The following SLC29A3 variants were observed in gnomAD, a reference collection of about 807,000 sequenced individuals.
SLC29A3 encodes the protein equilibrative nucleoside transporter 3.
SLC29A3 carries 18 observed loss-of-function variants against 25.4 expected under a neutral mutation model. The observed-to-expected ratio is 0.71, with a 90% CI of 0.49 to 1.05. SLC29A3 has a LOEUF of 1.05. SLC29A3 is among the 50% of genes least tolerant of loss of function. The pLI is 0.00. For synonymous variants in SLC29A3, 258 were observed against 267.1 expected (o/e 0.97, Z 0.33); for missense variants, 586 against 609.0 (o/e 0.96, Z 0.40).
At chr10:71,322,067 G>T (rs1025677428) in intron 1 of SLC29A3, among the ~76,000 whole-genome samples, 11 of 152,068 alleles carry the variant, frequency 7.2e-5, no homozygotes, top group Admixed American at 2.0e-4. Context: ...TTTTGAACCG[G>T]TAATAAACTA....
intron 3 of SLC29A3, among the ~76,000 whole-genome samples, chr10:71,346,185 C>G (rs1257806962): frequency 6.6e-6 from 1 of 152,238 alleles, no homozygotes; most frequent in Non-Finnish European, 1.5e-5. Flanking sequence ...GCTGAAAGTA[C>G]TCCTGGGCCA....
chr10:71,372,965 G>A (rs997076313), intron 3 of SLC29A3, among the ~76,000 whole-genome samples: 21 of 152,302 alleles, frequency 1.4e-4, no homozygotes, highest in Admixed American at 4.6e-4. Flanking sequence ...AGGCATGCGT[G>A]CGATGACAGG....
chr10:71,322,788 A>C lies in SLC29A3; in HGVS notation c.34A>C (p.Ser12Arg). ...TGTCTCAGAGGACGACTTTCAGCAC[A>C]GTTCAAACTCCACCTACAGAACCAC... is the stretch of plus-strand genomic sequence containing the variant. Reference protein sequence around the residue: ...AVVSEDDFQHSSNSTYRTTSS... With the variant: ...AVVSEDDFQHRSNSTYRTTSS... Residue 12 changes from serine (S) to arginine (R), a missense_variant, in exon 2 of 6, where the codon AGT (serine) becomes CGT (arginine). Coordinates refer to ENST00000373189, the MANE Select transcript of SLC29A3 (RefSeq NM_018344.6). 1.2e-6 allele frequency: 2 copies of C among 1,614,148 alleles called. No homozygotes were observed. Among genetic ancestry groups the C allele is most frequent in the East Asian group, 2.2e-5 (1 of 44,884 alleles).
intron 1 of SLC29A3, 90 bp from the exon 2 acceptor site, chr10:71,322,666 C>G (rs1845873819): frequency 1.3e-6 from 2 of 1,482,898 alleles, no homozygotes. Context: ...GGGGCATGGT[C>G]ATTTTGTAGG....
intron 1 of SLC29A3, 42 bp downstream of exon 1, chr10:71,319,352 G>T (rs1290523150): frequency 4.8e-6 from 3 of 623,000 alleles, no homozygotes; most frequent in Non-Finnish European, 8.6e-6. Flanking sequence ...TACGGTCCCG[G>T]CCGCCCCCAG....
At chr10:71,334,837 C>T (rs1209176949) in intron 2 of SLC29A3, among the ~76,000 whole-genome samples, 6 of 152,174 alleles carry the variant, frequency 3.9e-5, no homozygotes, top group African/African-American at 1.4e-4. Flanking sequence ...CAGGGCCAAC[C>T]GTACGCTGTT....
chr10:71,373,025 G>A (rs573165637), intron 3 of SLC29A3, among the ~76,000 whole-genome samples: 40 of 152,308 alleles, frequency 2.6e-4, no homozygotes, highest in African/African-American at 9.1e-4. Context: ...TGTAACTGGG[G>A]AGCAGTGGGT....
At chr10:71,339,514 C>T (rs79586496) in intron 2 of SLC29A3, among the ~76,000 whole-genome samples, 5,476 of 152,196 alleles carry the variant, frequency 0.036, 130 homozygotes, top group Middle Eastern at 0.088. Flanking sequence ...ACTGATGGGC[C>T]TCTCTGCCAT....
intron 2 of SLC29A3, among the ~76,000 whole-genome samples, chr10:71,324,347 A>T (rs1302901549): frequency 6.6e-6 from 1 of 152,190 alleles, no homozygotes; most frequent in South Asian, 2.1e-4. Flanking sequence ...GCATATACAG[A>T]GGGCCGACAT....
intron 2 of SLC29A3, among the ~76,000 whole-genome samples, chr10:71,342,960 A>G (rs757769031): frequency 6.6e-6 from 1 of 152,170 alleles, no homozygotes; most frequent in South Asian, 2.1e-4. Flanking sequence ...CTTCAGACTC[A>G]AAGGGGCCCA....
chr10:71,378,095 T>TG (rs35084756), intron 4 of SLC29A3, among the ~76,000 whole-genome samples: 7,026 of 112,710 alleles, frequency 0.062, 677 homozygotes, highest in African/African-American at 0.22. Context: ...TAGACAATGT[T>TG]GGGGGGGGGG....
intron 3 of SLC29A3, among the ~76,000 whole-genome samples, chr10:71,346,567 C>A (rs1002878939): frequency 2.6e-5 from 4 of 152,152 alleles, no homozygotes; most frequent in Admixed American, 1.3e-4. Context: ...TAGCCTGGCA[C>A]GGTGACACAT....
At position 71,355,988 on chromosome 10, in the gene SLC29A3, A is replaced by T. The variant is rs1423982002; in HGVS notation, c.611-93A>T. On this transcript the variant is annotated intron_variant, in intron 4 of 5. Transcript: ENST00000373189. Reference sequence around the variant, plus strand: ...GCATTTTTCGCACGGAGGAATTTTTATTTTGGTTTGTGAAACCCAAGCAGG... The same window carrying T: ...GCATTTTTCGCACGGAGGAATTTTTTTTTTGGTTTGTGAAACCCAAGCAGG... The T allele has an allele frequency of 2.7e-6, 4 of 1,470,610 alleles. No homozygotes were observed. The Admixed American group carries it at 5.0e-5, about 18-fold the overall frequency. 91.1% of individuals were successfully genotyped at this position (1,470,610 alleles called of 1,614,324 possible).
chr10:71,323,132 T>C, intron 2 of SLC29A3, 78 bp downstream of exon 2: 1 of 1,563,494 alleles, frequency 6.4e-7, no homozygotes, highest in Non-Finnish European at 8.8e-7. Flanking sequence ...AAGATGGAGA[T>C]TTCAGACACA....
chr10:71,355,011 G>A (rs1846863764), intron 4 of SLC29A3, among the ~76,000 whole-genome samples: 2 of 152,168 alleles, frequency 1.3e-5, no homozygotes, highest in Admixed American at 1.3e-4. Context: ...GTGAGGGTTC[G>A]AAGGAACAGA....
rs575548878 is a variant in SLC29A3 at position 71,332,684 on chromosome 10, TTAAA to T, written c.300+9631_300+9634del. On this transcript the variant is annotated intron_variant, in intron 2 of 5. Coordinates refer to ENST00000373189, the MANE Select transcript of SLC29A3 (RefSeq NM_018344.6). The stretch of plus-strand genomic sequence containing the variant: ...CGTGGATGACTGCTCTACACCATTT[TTAAA>T]AATTAGAACCAAAAGTGAGTCATTT... Among the ~76,000 whole-genome samples the T allele has an allele frequency of 4.1e-4, 63 of 152,344 alleles. 1 individual carries two copies. The South Asian group carries it at 0.013, about 32-fold the overall frequency.
chr10:71,341,178 T>G (rs1323220697), intron 2 of SLC29A3, among the ~76,000 whole-genome samples: 4 of 152,140 alleles, frequency 2.6e-5, no homozygotes, highest in Non-Finnish European at 5.9e-5. Flanking sequence ...CAGCCACTGG[T>G]GCAGCCTAGC....
chr10:71,357,571 T>C (rs1478861622), intron 5 of SLC29A3, among the ~76,000 whole-genome samples: 1 of 152,174 alleles, frequency 6.6e-6, no homozygotes, highest in Non-Finnish European at 1.5e-5. Context: ...AAATTATTAC[T>C]TGCCTGAATC....
At chr10:71,319,394 TG>T in intron 1 of SLC29A3, 84 bp downstream of exon 1, 14 of 565,308 alleles carry the variant, frequency 2.5e-5, no homozygotes, top group Admixed American at 1.0e-4. Context: ...TCCCGGGCCC[TG>T]GGGGCGGCTG....
Sources: gnomAD v4.1 joint callset for allele counts (sites outside exome capture counted in the v4.1 genomes callset) on GRCh38, gnomAD v4.1.1 for gene constraint, MANE v1.5 for transcripts, NCBI Gene and HGNC (gene_info 2026-07-23, HGNC 2026-07-21) for gene names.